BBS9: variants seen among roughly 807,000 people sequenced by gnomAD.
BBS9 encodes protein PTHB1.
Under a neutral mutation model 117.7 loss-of-function variants are expected in BBS9, and 89 were observed. That is an observed-to-expected ratio of 0.76 (90% CI 0.64 to 0.90). The LOEUF is 0.90. BBS9 is among the 40% of genes least tolerant of loss of function. The probability of loss-of-function intolerance (pLI) is 0.00; values close to 1 mark genes in which losing one functional copy is unlikely to be tolerated. For missense variants in BBS9, 982 were observed against 1,042.2 expected, an observed-to-expected ratio of 0.94 and a Z score of 0.80; for synonymous variants, 379 against 370.9, an observed-to-expected ratio of 1.02 and a Z score of -0.25.
intron 19 of BBS9, among the ~76,000 whole-genome samples, chr7:33,435,911 C>T (rs899192466): frequency 6.6e-6 from 1 of 152,146 alleles, no homozygotes; most frequent in Non-Finnish European, 1.5e-5. Context: ...AGCAAGAGTA[C>T]TCTGAAGAAT....
chr7:33,351,227 T>C lies in BBS9; in HGVS notation c.1441T>C (p.Leu481=), dbSNP rs755792861. ...TTTTACATTGCTTATAGCACCAGAT[T>C]TGACTAGAACAGTAAGCTTTTCTGT... ...QFTFEFMTPD[L]TRTVSFSVYL... Residue 481 remains leucine (L), a synonymous_variant, in exon 14 of 23, where the codon TTG becomes CTG. Coordinates refer to ENST00000242067, the MANE Select transcript of BBS9 (RefSeq NM_198428.3). 2.6e-5 allele frequency: 42 copies of C among 1,604,030 alleles called. No homozygotes were observed. The highest frequency in any genetic ancestry group is 3.5e-5 in the Non-Finnish European group (41 of 1,171,112).
intron 5 of BBS9, among the ~76,000 whole-genome samples, chr7:33,190,118 ATT>A (rs35553731): frequency 4.8e-3 from 564 of 117,678 alleles, no homozygotes; most frequent in African/African-American, 0.016. Flanking sequence ...TTACATGGGG[ATT>A]TTTTTTTTTT....
intron 2 of BBS9, among the ~76,000 whole-genome samples, chr7:33,147,777 G>A (rs1792656664): frequency 6.6e-6 from 1 of 152,304 alleles, no homozygotes; most frequent in Admixed American, 6.5e-5. Flanking sequence ...GCTCACTACT[G>A]GGGTGCTACC....
At chr7:33,198,235 G>C (rs1422491695) in intron 5 of BBS9, among the ~76,000 whole-genome samples, 1 of 151,916 alleles carries the variant, frequency 6.6e-6, no homozygotes, top group Non-Finnish European at 1.5e-5. Flanking sequence ...ATTTAATTTG[G>C]AAAGTTATAT....
intron 5 of BBS9, chr7:33,242,870 A>T (rs1794766502): frequency 3.9e-6 from 2 of 509,940 alleles, no homozygotes; most frequent in Non-Finnish European, 7.8e-6. Flanking sequence ...ACTATGCATA[A>T]CATTCAGTTG....
chr7:33,331,786 C>A (rs1814122340), intron 9 of BBS9, among the ~76,000 whole-genome samples: 1 of 151,928 alleles, frequency 6.6e-6, no homozygotes, highest in East Asian at 1.9e-4. Flanking sequence ...CAAAACACTG[C>A]TGGAAGAAAC....
Position 33,146,315 on chromosome 7 carries a change from T to C in BBS9, c.63T>C (p.Asp21=). The C allele has an allele frequency of 6.2e-7, 1 of 1,614,166 alleles. No individual in the cohort carries two copies. Reference sequence around the variant, plus strand: ...TTCTGGGAGATAAAGAAGAATTTGATCAAGGCTGTTTGTGTCTGGCTAATG... The same window carrying C: ...TTCTGGGAGATAAAGAAGAATTTGACCAAGGCTGTTTGTGTCTGGCTAATG... ...STILGDKEEF[D]QGCLCLANVD... is the part of the protein sequence containing the mutation. Residue 21 remains aspartate (D), a synonymous_variant, in exon 2 of 23, where the codon GAT becomes GAC. Coordinates refer to ENST00000242067, the MANE Select transcript of BBS9 (RefSeq NM_198428.3).
intron 17 of BBS9, among the ~76,000 whole-genome samples, chr7:33,376,505 T>C (rs1035008231): frequency 4.6e-5 from 7 of 152,214 alleles, no homozygotes; most frequent in Admixed American, 3.3e-4. Context: ...AATGAGCATA[T>C]GAGTGCATGT....
intron 5 of BBS9, among the ~76,000 whole-genome samples, chr7:33,253,576 C>T (rs973382988): frequency 3.9e-5 from 6 of 152,214 alleles, no homozygotes; most frequent in Admixed American, 6.5e-5. Context: ...CGTGCCACTG[C>T]ACTCCAGCCT....
Position 33,461,829 on chromosome 7 carries a change from C to T in BBS9, c.2116-43634C>T, listed in dbSNP as rs543305406. ...GTTGCTGGGGTTTTTGAAGATTTGC[C>T]TAAAAAGATAGTCTTTTAGTTTGGA... On this transcript the variant is annotated intron_variant, in intron 19 of 22. Coordinates refer to ENST00000242067, the MANE Select transcript of BBS9 (RefSeq NM_198428.3). Among the ~76,000 whole-genome samples the T allele has an allele frequency of 4.6e-5, 7 of 151,954 alleles. No homozygotes were observed. In the East Asian group the frequency reaches 1.4e-3, roughly 29 times the overall value.
Position 33,526,480 on chromosome 7 carries a change from C to T in BBS9, c.2299-7474C>T, listed in dbSNP as rs559899511. Among the ~76,000 whole-genome samples the T allele has an allele frequency of 1.1e-4, 16 of 151,804 alleles. No homozygotes were observed. The East Asian group carries it at 2.5e-3, about 24-fold the overall frequency. ...TTCTTTTTTCTCTAAACTTCCTTCT[C>T]GCTTCATTTCATTCATTTCATCTTC... On this transcript the variant is annotated intron_variant, in intron 20 of 22. Transcript: ENST00000242067.
At chr7:33,559,091 T>C (rs1307144708) in intron 21 of BBS9, among the ~76,000 whole-genome samples, 10 of 152,210 alleles carry the variant, frequency 6.6e-5, no homozygotes, top group African/African-American at 2.4e-4. Context: ...TAAGTGGTCA[T>C]AGATGATTCA....
At chr7:33,546,529 T>C (rs1853397461) in intron 21 of BBS9, among the ~76,000 whole-genome samples, 1 of 152,262 alleles carries the variant, frequency 6.6e-6, no homozygotes, top group South Asian at 2.1e-4. Flanking sequence ...CCTGAAATAC[T>C]ATGTTCTTTA....
At position 33,562,986 on chromosome 7, in the gene BBS9, A is replaced by G. The variant is rs538291575; in HGVS notation, c.2521+28810A>G. ...TAACATATTTTTACAAAACCAAGAA[A>G]TGCTCATTTTGATGACATATTGATG... is the stretch of plus-strand genomic sequence containing the variant. On this transcript the variant is annotated intron_variant, in intron 21 of 22. Coordinates refer to ENST00000242067, the MANE Select transcript of BBS9 (RefSeq NM_198428.3). Among the ~76,000 whole-genome samples, 33 of 152,302 alleles carry G rather than the reference A, an allele frequency of 2.2e-4. 1 individual carries two copies. The South Asian group carries it at 6.8e-3, about 32-fold the overall frequency.
intron 1 of BBS9, among the ~76,000 whole-genome samples, chr7:33,132,268 G>T (rs1411851876): frequency 1.3e-5 from 2 of 151,880 alleles, no homozygotes; most frequent in Admixed American, 1.3e-4. Context: ...CACTTAACTA[G>T]TGAGACCACT....
At chr7:33,381,253 C>A (rs553097839) in intron 17 of BBS9, among the ~76,000 whole-genome samples, 2 of 152,208 alleles carry the variant, frequency 1.3e-5, no homozygotes, top group East Asian at 3.9e-4. Context: ...TCCTGGCACC[C>A]CTGTGGCAAG....
intron 7 of BBS9, among the ~76,000 whole-genome samples, chr7:33,268,163 T>C (rs374085528): frequency 3.9e-5 from 6 of 152,358 alleles, no homozygotes; most frequent in African/African-American, 4.8e-5. Flanking sequence ...CCTGTGTGAA[T>C]GTTGGGCACT....
chr7:33,259,882 G>A (rs997719727), intron 6 of BBS9, among the ~76,000 whole-genome samples: 21 of 147,286 alleles, frequency 1.4e-4, no homozygotes, highest in Admixed American at 1.1e-3. Context: ...TTTTTCACTT[G>A]GATTTCCGTT....
intron 5 of BBS9, among the ~76,000 whole-genome samples, chr7:33,232,401 A>G (rs796744972): frequency 3.9e-5 from 6 of 152,298 alleles, no homozygotes; most frequent in African/African-American, 1.4e-4. Flanking sequence ...TGTACTTTTA[A>G]GTCAAGTACT....
Sources: gnomAD v4.1 joint callset for allele counts (sites outside exome capture counted in the v4.1 genomes callset) on GRCh38, gnomAD v4.1.1 for gene constraint, MANE v1.5 for transcripts, NCBI Gene and HGNC (gene_info 2026-07-23, HGNC 2026-07-21) for gene names.